CADPS: variants seen among roughly 807,000 people sequenced by gnomAD.
The protein encoded by CADPS is calcium dependent secretion activator.
Under a neutral mutation model 167.3 loss-of-function variants are expected in CADPS, and 57 were observed. The ratio of observed to expected loss-of-function variants is 0.34; its 90% CI spans 0.28 to 0.42. The LOEUF (loss-of-function observed/expected upper bound fraction) is 0.42, where lower values mean the gene tolerates loss of function less well. Ranked by LOEUF, CADPS falls within the 20% of genes least tolerant of loss-of-function variation. The pLI is 1.00. For missense variants in CADPS, 1,414 were observed against 1,738.1 expected (o/e 0.81, Z 3.32); for synonymous variants, 676 against 635.3 (o/e 1.06, Z -0.96).
chr3:62,781,896 A>G (rs1212823574), intron 1 of CADPS, among the ~76,000 whole-genome samples: 5 of 152,230 alleles, frequency 3.3e-5, no homozygotes, highest in Non-Finnish European at 5.9e-5. Context: ...CGCTTCACTG[A>G]AATTCTTCAT....
intron 6 of CADPS, among the ~76,000 whole-genome samples, chr3:62,617,162 A>C (rs1046272818): frequency 6.6e-6 from 1 of 152,192 alleles, no homozygotes. Context: ...AGAGAGCTAC[A>C]CAGAGGAACT....
At chr3:62,585,411 T>G (rs1325977400) in intron 7 of CADPS, 87 bp from the exon 8 acceptor site, 2 of 1,369,166 alleles carry the variant, frequency 1.5e-6, no homozygotes, top group African/African-American at 2.9e-5. Context: ...AGTAGTGGAG[T>G]GACTTGAACA....
At chr3:62,450,838 G>C (rs2150069204) in intron 26 of CADPS, among the ~76,000 whole-genome samples, 1 of 152,230 alleles carries the variant, frequency 6.6e-6, no homozygotes, top group South Asian at 2.1e-4. Context: ...AACCTTTTGA[G>C]GGGGATCCTA....
chr3:62,428,402 T>C, intron 28 of CADPS, among the ~76,000 whole-genome samples: 1 of 146,244 alleles, frequency 6.8e-6, no homozygotes, highest in Non-Finnish European at 1.5e-5. Flanking sequence ...AGTGGGAAGC[T>C]GTATTGCTGA....
chr3:62,571,799 G>A (rs1423420917), intron 8 of CADPS, among the ~76,000 whole-genome samples: 4 of 152,098 alleles, frequency 2.6e-5, no homozygotes, highest in Non-Finnish European at 4.4e-5. Flanking sequence ...CCCAACCTCA[G>A]TTGATCCACC....
chr3:62,769,698 A>G (rs1443574608), intron 1 of CADPS, among the ~76,000 whole-genome samples: 1 of 152,096 alleles, frequency 6.6e-6, no homozygotes, highest in Non-Finnish European at 1.5e-5. Context: ...CTATGGGTGC[A>G]TGTTTTATGT....
At chr3:62,453,890 C>G (rs2058376489) in intron 26 of CADPS, among the ~76,000 whole-genome samples, 1 of 152,140 alleles carries the variant, frequency 6.6e-6, no homozygotes, top group South Asian at 2.1e-4. Flanking sequence ...CATGTGAGCA[C>G]TGGGTCAAAT....
rs1445213163 is a variant in CADPS, at chr3:62,544,448, A to ACAC, written c.1966+5454_1966+5455insGTG. 5.9e-5 allele frequency among the ~76,000 whole-genome samples: 9 copies of ACAC among 152,106 alleles called. No individual in the cohort carries two copies. The highest frequency in any genetic ancestry group is 2.2e-4 in the African/African-American group (9 of 41,424). On this transcript the variant is annotated intron_variant, in intron 11 of 29. Coordinates refer to ENST00000383710, the MANE Select transcript of CADPS (RefSeq NM_003716.4). This position sits in a 1 kb window ranked among gnomAD's most constrained non-coding sequence, Gnocchi z 4.4. ...AAAAACAACAACAACAACAACAACA[A>ACAC]CAGCACATTATCAGAGTGCAAAATG...
chr3:62,706,664 G>C (rs961325996), intron 3 of CADPS, among the ~76,000 whole-genome samples: 40 of 152,100 alleles, frequency 2.6e-4, no homozygotes, highest in African/African-American at 9.2e-4. Context: ...TTGGCTTGCA[G>C]AATTAACACC....
In CADPS at chr3:62,446,306, C is replaced by A. The variant is rs574649945; in HGVS notation, c.3637-509G>T. 1.5e-4 allele frequency among the ~76,000 whole-genome samples: 23 copies of A among 152,266 alleles called. 1 individual carries two copies. In the South Asian group the frequency reaches 3.3e-3, roughly 22 times the overall value. ...GTGTCTGCGGGTAGGGGGATGAGAA[C>A]CTTTCAAAACTGCCCAAAGGCTGCC... On this transcript the variant is annotated intron_variant, in intron 26 of 29. Transcript: ENST00000383710. The surrounding 1 kb of genome is among the most constrained non-coding windows in gnomAD (Gnocchi z 4.9).
At chr3:62,517,999 C>A (rs1471029444) in intron 14 of CADPS, 150 bp downstream of exon 14, 2 of 647,202 alleles carry the variant, frequency 3.1e-6, no homozygotes, top group Non-Finnish European at 5.4e-6. Flanking sequence ...ATTGCGGAAC[C>A]ATATCTGATT....
chr3:62,564,692 C>G (rs952218956), intron 9 of CADPS, among the ~76,000 whole-genome samples: 1 of 151,470 alleles, frequency 6.6e-6, no homozygotes, highest in Non-Finnish European at 1.5e-5. Flanking sequence ...CTGCAACTTC[C>G]GCCTCCTAGG....
At chr3:62,624,762 A>G (rs896790152) in intron 6 of CADPS, among the ~76,000 whole-genome samples, 2 of 152,098 alleles carry the variant, frequency 1.3e-5, no homozygotes, top group African/African-American at 2.4e-5. Context: ...GATAATATCT[A>G]CTTCACAGAA....
At chr3:62,824,388 G>A (rs1469102662) in intron 1 of CADPS, among the ~76,000 whole-genome samples, 1 of 152,076 alleles carries the variant, frequency 6.6e-6, no homozygotes, top group Non-Finnish European at 1.5e-5. Flanking sequence ...CATGTTTTAG[G>A]CTATGGGAAC....
In CADPS at chr3:62,478,245, A is replaced by G; in HGVS notation, c.3329+16T>C. The stretch of plus-strand genomic sequence containing the variant: ...TGGGGAGGGTGTGCAGAACCTGTCC[A>G]GCCACCTATACTTACCTTTTGACAC... On this transcript the variant is annotated intron_variant, in intron 23 of 29. Coordinates refer to ENST00000383710, the MANE Select transcript of CADPS (RefSeq NM_003716.4). The surrounding 1 kb of genome is among the most constrained non-coding windows in gnomAD (Gnocchi z 5.7). 6.2e-7 allele frequency: 1 copy of G among 1,613,340 alleles called. No homozygotes were observed. The highest frequency in any genetic ancestry group is 1.1e-5 in the South Asian group (1 of 91,026).
intron 3 of CADPS, among the ~76,000 whole-genome samples, chr3:62,743,884 C>A (rs1299962210): frequency 6.6e-6 from 1 of 152,140 alleles, no homozygotes; most frequent in Admixed American, 6.5e-5. Flanking sequence ...AAAAGAGATT[C>A]ATAAAAGACT....
At chr3:62,527,913 A>G (rs1363928593) in intron 13 of CADPS, among the ~76,000 whole-genome samples, 1 of 152,124 alleles carries the variant, frequency 6.6e-6, no homozygotes, top group African/African-American at 2.4e-5. Flanking sequence ...TCCACATCCA[A>G]ATGCTGGTCA....
At chr3:62,571,254 A>G (rs540179708) in intron 8 of CADPS, among the ~76,000 whole-genome samples, 2 of 152,330 alleles carry the variant, frequency 1.3e-5, no homozygotes, top group East Asian at 3.9e-4. Flanking sequence ...CCTGAAAGAC[A>G]TTGCACAGGA....
chr3:62,516,579 C>A lies in CADPS; in HGVS notation c.2457+1G>T. 6.3e-7 allele frequency: 1 copy of A among 1,598,718 alleles called. No homozygotes were observed. The highest frequency in any genetic ancestry group is 8.6e-7 in the Non-Finnish European group (1 of 1,169,452). ...GATCTATCTTTTACTTTCATTCTTA[C>A]CCTTTCCAAGAGTGAGAGAGTAGCT... On this transcript the variant is annotated splice_donor_variant, in intron 15 of 29. Transcript: ENST00000383710. LOFTEE classifies it high-confidence loss of function.
Sources: allele counts gnomAD v4.1 joint callset (sites outside exome capture counted in the v4.1 genomes callset), GRCh38; gene constraint gnomAD v4.1.1; non-coding constraint Gnocchi (gnomAD v3.1); transcripts MANE v1.5; gene names NCBI Gene and HGNC (gene_info 2026-07-23, HGNC 2026-07-21).